Variants in MTUS2 observed in about 807,000 individuals in gnomAD.
MTUS2 encodes the protein microtubule associated scaffold protein 2.
In MTUS2, 40 loss-of-function variants were observed where a neutral mutation model predicts 114.1. The ratio of observed to expected loss-of-function variants is 0.35; its 90% CI spans 0.27 to 0.46. MTUS2 has a LOEUF of 0.46. MTUS2 is among the 20% of genes least tolerant of loss of function. The probability of loss-of-function intolerance (pLI) is 1.00; values close to 1 mark genes in which losing one functional copy is unlikely to be tolerated. For synonymous variants in MTUS2, 688 were observed against 672.0 expected, an observed-to-expected ratio of 1.02 and a Z score of -0.37; for missense variants, 1,679 against 1,705.4, an observed-to-expected ratio of 0.98 and a Z score of 0.27.
chr13:29,068,285 A>C (rs9508253), intron 4 of MTUS2, among the ~76,000 whole-genome samples: 1 of 152,132 alleles, frequency 6.6e-6, no homozygotes, highest in Non-Finnish European at 1.5e-5. Context: ...TGTGCATTCA[A>C]CAAACAAAAT....
At chr13:29,069,518 T>C (rs1484039892) in intron 4 of MTUS2, among the ~76,000 whole-genome samples, 1 of 151,548 alleles carries the variant, frequency 6.6e-6, no homozygotes, top group Non-Finnish European at 1.5e-5. Context: ...TAATATCTTC[T>C]AAAAACACCC....
At chr13:29,104,942 G>A (rs901364263) in intron 5 of MTUS2, among the ~76,000 whole-genome samples, 10 of 152,070 alleles carry the variant, frequency 6.6e-5, no homozygotes, top group Non-Finnish European at 7.3e-5. Context: ...AATAATGACC[G>A]TACTATAGAA....
chr13:28,946,302 T>TGTGC (rs1241991574), intron 2 of MTUS2, among the ~76,000 whole-genome samples: 45 of 108,872 alleles, frequency 4.1e-4, no homozygotes, highest in African/African-American at 1.4e-3. Flanking sequence ...TGTGTGTGTG[T>TGTGC]GTGCGCGCGC....
intron 11 of MTUS2, among the ~76,000 whole-genome samples, 172 bp from the exon 12 acceptor site, chr13:29,492,474 C>A (rs933159475): frequency 6.6e-6 from 1 of 151,932 alleles, no homozygotes; most frequent in Admixed American, 6.6e-5. Context: ...TGAATACTAA[C>A]CTGGTCATGA....
intron 5 of MTUS2, among the ~76,000 whole-genome samples, chr13:29,255,996 A>G (rs530304228): frequency 4.6e-5 from 7 of 152,326 alleles, no homozygotes; most frequent in African/African-American, 1.7e-4. Flanking sequence ...GATTACACAG[A>G]TTAAATGAGT....
chr13:28,907,066 G>A (rs1054543363), intron 2 of MTUS2, among the ~76,000 whole-genome samples: 14 of 151,564 alleles, frequency 9.2e-5, no homozygotes, highest in Admixed American at 3.9e-4. Context: ...GGCAGAAACC[G>A]TACAAGCCAG....
At chr13:29,241,624 A>T (rs1291439124) in intron 5 of MTUS2, among the ~76,000 whole-genome samples, 1 of 152,092 alleles carries the variant, frequency 6.6e-6, no homozygotes, top group Non-Finnish European at 1.5e-5. Context: ...GCTACATTTG[A>T]TTGCATTTGT....
At chr13:29,132,860 C>T (rs527908163) in intron 5 of MTUS2, among the ~76,000 whole-genome samples, 2 of 152,212 alleles carry the variant, frequency 1.3e-5, no homozygotes, top group African/African-American at 4.8e-5. Context: ...GCTTTCAGTT[C>T]TTTTGAGTAT....
intron 7 of MTUS2, among the ~76,000 whole-genome samples, chr13:29,357,112 A>G (rs573989112): frequency 6.6e-6 from 1 of 152,360 alleles, no homozygotes; most frequent in Admixed American, 6.5e-5. Flanking sequence ...GTAAGTGCCA[A>G]GAATAGAATT....
At chr13:29,240,313 C>T (rs916710212) in intron 5 of MTUS2, among the ~76,000 whole-genome samples, 7 of 152,136 alleles carry the variant, frequency 4.6e-5, no homozygotes, top group African/African-American at 7.2e-5. Flanking sequence ...AGTCCCCATA[C>T]GGGTAGAGTA....
rs556526364 is a variant in MTUS2, at chr13:28,981,811, T to A, written c.-242-42646T>A. 5.9e-5 allele frequency among the ~76,000 whole-genome samples: 9 copies of A among 152,296 alleles called. No individual in the cohort carries two copies. The East Asian group carries it at 1.7e-3, about 29-fold the overall frequency. ...ACTCTAACGCTTCATCTGGCCTGTT[T>A]TAGGGATCTTGCAGATGCTAAGGTC... On this transcript the variant is annotated intron_variant, in intron 2 of 15. Coordinates refer to ENST00000612955, the MANE Select transcript of MTUS2 (RefSeq NM_001033602.4).
chr13:29,265,102 G>T (rs993148596), intron 5 of MTUS2, among the ~76,000 whole-genome samples: 1 of 152,110 alleles, frequency 6.6e-6, no homozygotes, highest in Non-Finnish European at 1.5e-5. Context: ...CTGGCAATAG[G>T]CTGTTACAAG....
rs1593286869 is a variant in MTUS2, at chr13:29,308,720, A to G, written c.2807-15893A>G. Among the ~76,000 whole-genome samples the G allele has an allele frequency of 2.0e-5, 3 of 152,208 alleles. No homozygotes were observed. In the South Asian group the frequency reaches 6.2e-4, roughly 32 times the overall value. ...CAAATTTATAAGAAACAACCCCATT[A>G]AAAAGTGAGCAAAGAACATTAACAG... On this transcript the variant is annotated intron_variant, in intron 6 of 15. Transcript: ENST00000612955.
intron 2 of MTUS2, among the ~76,000 whole-genome samples, chr13:28,893,792 C>G (rs114140409): frequency 1.3e-3 from 193 of 152,236 alleles, no homozygotes; most frequent in African/African-American, 3.5e-3. Context: ...ATGAATAGAA[C>G]ATGATTATAA....
intron 5 of MTUS2, among the ~76,000 whole-genome samples, chr13:29,155,729 A>G (rs1265538181): frequency 1.3e-5 from 2 of 152,214 alleles, no homozygotes; most frequent in Non-Finnish European, 2.9e-5. Flanking sequence ...ATATATAAGC[A>G]GAAGTTGAAT....
At chr13:29,495,896 C>T (rs956436556) in intron 12 of MTUS2, among the ~76,000 whole-genome samples, 3 of 150,880 alleles carry the variant, frequency 2.0e-5, no homozygotes, top group Admixed American at 6.6e-5. Flanking sequence ...CTCTCTTTTT[C>T]TCTCTCTCTC....
At chr13:29,360,493 A>G (rs2138233948) in intron 8 of MTUS2, among the ~76,000 whole-genome samples, 1 of 152,276 alleles carries the variant, frequency 6.6e-6, no homozygotes, top group South Asian at 2.1e-4. Context: ...AGAGCCATTT[A>G]TCAATCTGTT....
Position 29,026,758 on chromosome 13 carries a change from G to A in MTUS2, c.2060G>A (p.Gly687Asp), listed in dbSNP as rs1433012412. The A allele has an allele frequency of 6.2e-7, 1 of 1,613,812 alleles. No individual in the cohort carries two copies. The highest frequency in any genetic ancestry group is 8.5e-7 in the Non-Finnish European group (1 of 1,179,898). ...PLPHEEKAAG[G>D]DLKPSANLYE... is the part of the protein sequence containing the mutation. ...CCCCACGAAGAGAAGGCAGCAGGTG[G>A]TGACCTGAAGCCATCTGCCAACCTC... The change falls in exon 3 of 16, where the codon GGT becomes GAT. Residue 687 changes from glycine (G) to aspartate (D), a missense_variant. By Grantham distance (94) the Gly-to-Asp change is moderately conservative. Coordinates refer to ENST00000612955, the MANE Select transcript of MTUS2 (RefSeq NM_001033602.4).
chr13:28,828,494 A>G (rs879784507), intron 1 of MTUS2, among the ~76,000 whole-genome samples: 8 of 152,236 alleles, frequency 5.3e-5, no homozygotes, highest in Non-Finnish European at 1.2e-4. Flanking sequence ...AATCTTCACA[A>G]TTTATCTTCA....
Sources: allele counts gnomAD v4.1 joint callset (sites outside exome capture counted in the v4.1 genomes callset), GRCh38; gene constraint gnomAD v4.1.1; transcripts MANE v1.5; gene names NCBI Gene and HGNC (gene_info 2026-07-23, HGNC 2026-07-21).